TRAP1: variants seen among roughly 807,000 people sequenced by gnomAD.
TRAP1 encodes TNF receptor associated protein 1, also known as heat shock protein 75 kDa, mitochondrial.
Under a neutral mutation model 89.1 loss-of-function variants are expected in TRAP1, and 102 were observed. The ratio of observed to expected loss-of-function variants is 1.15; its 90% confidence interval spans 0.98 to 1.35. The LOEUF is 1.35. Ranked by LOEUF, TRAP1 falls within the 40% of genes most tolerant of loss-of-function variation. TRAP1 has a pLI of 0.00. For missense variants in TRAP1, 1,256 were observed against 945.3 expected (o/e 1.33, Z -4.31); for synonymous variants, 508 against 388.0 (o/e 1.31, Z -3.64).
intron 15 of TRAP1, chr16:3,662,573 G>A: frequency 1.7e-6 from 1 of 597,374 alleles, no homozygotes; most frequent in South Asian, 1.6e-5. Context: ...GAGGGCTGGG[G>A]TAGCATGTCC....
chr16:3,658,173 C>T lies in TRAP1; in HGVS notation c.2071G>A (p.Gly691Ser), dbSNP rs1596665492. ...GLVDDPRAMV[G>S]RLNELLVKAL... is the part of the protein sequence containing the mutation. ...TTGACAAGCAGCTCATTCAAGCGGC[C>T]CACCATGGCCCTAGGGTCGTCAACA... Residue 691 changes from glycine to serine, a missense_variant, in exon 18 of 18, where the codon GGC becomes AGC. Transcript: ENST00000246957. 1.2e-6 allele frequency: 2 copies of T among 1,614,068 alleles called. No individual in the cohort carries two copies. The highest frequency in any genetic ancestry group is 1.7e-6 in the Non-Finnish European group (2 of 1,179,992).
At chr16:3,697,121 A>G (rs951166449) in intron 1 of TRAP1, among the ~76,000 whole-genome samples, 7 of 152,216 alleles carry the variant, frequency 4.6e-5, no homozygotes, top group South Asian at 2.1e-4. Flanking sequence ...ACTAAAGTGC[A>G]TATCATCCTA....
chr16:3,714,967 G>A (rs556462330), intron 1 of TRAP1, among the ~76,000 whole-genome samples: 12 of 152,072 alleles, frequency 7.9e-5, no homozygotes, highest in Middle Eastern at 3.2e-3. Context: ...TTCTCTCATC[G>A]TTCAATCAAT....
intron 4 of TRAP1, among the ~76,000 whole-genome samples, chr16:3,685,763 G>A (rs2051130533): frequency 6.6e-6 from 1 of 152,196 alleles, no homozygotes; most frequent in Non-Finnish European, 1.5e-5. Flanking sequence ...GATGTTACCA[G>A]TAGTTATTGC....
At chr16:3,665,181 G>A (rs1286854553) in intron 12 of TRAP1, 2 of 152,220 alleles carry the variant, frequency 1.3e-5, no homozygotes, top group African/African-American at 4.8e-5. Context: ...TGAAGATAAA[G>A]GAGAATGAAG....
rs191501700 is a variant in TRAP1 at position 3,689,409 on chromosome 16, T to A, written c.248-272A>T. ...ACAGGTGCCTGCCACCACGCCCGGC[T>A]AATTTTTTGTAGTTTTAGTAGAGAC... On this transcript the variant is annotated intron_variant, in intron 2 of 17. Transcript: ENST00000246957. Among the ~76,000 whole-genome samples the A allele has an allele frequency of 3.5e-3, 531 of 152,220 alleles. 2 individuals are homozygous for A. Among genetic ancestry groups the A allele is most frequent in the African/African-American group, 0.012 (512 of 41,546 alleles).
chr16:3,689,161 C>A (rs2051178143), intron 2 of TRAP1, 24 bp from the exon 3 acceptor site: 4 of 1,597,834 alleles, frequency 2.5e-6, no homozygotes, highest in Non-Finnish European at 2.6e-6. Flanking sequence ...ACAGACACAA[C>A]CAACAAAGTT....
At position 3,671,761 on chromosome 16, in the gene TRAP1, T is replaced by A. The variant is rs2050916215; in HGVS notation, c.1196A>T (p.Asn399Ile). The A allele has an allele frequency of 1.9e-6, 3 of 1,613,096 alleles. No individual in the cohort carries two copies. The East Asian group carries it at 6.7e-5, about 36-fold the overall frequency. ...GVVDSEDIPL[N>I]LSRELLQESA... Reference sequence around the variant, plus strand: ...CTCCTGCAGCAGCTCCCGGCTGAGGTTCAGGGGAATGTCCTCACTGTCCAC... The same window carrying A: ...CTCCTGCAGCAGCTCCCGGCTGAGGATCAGGGGAATGTCCTCACTGTCCAC... The change falls in exon 11 of 18, where the codon AAC becomes ATC. Residue 399 changes from asparagine to isoleucine, a missense_variant. Transcript: ENST00000246957.
chr16:3,695,397 C>A (rs780659399), intron 1 of TRAP1, among the ~76,000 whole-genome samples: 1 of 151,920 alleles, frequency 6.6e-6, no homozygotes, highest in Non-Finnish European at 1.5e-5. Context: ...CTTAGCCAGA[C>A]GTGGTGGCGC....
chr16:3,688,989 G>A, intron 3 of TRAP1, 66 bp downstream of exon 3: 1 of 1,414,044 alleles, frequency 7.1e-7, no homozygotes, highest in Non-Finnish European at 9.9e-7. Context: ...TCTCCAGAAT[G>A]GCATAAAAAC....
intron 1 of TRAP1, among the ~76,000 whole-genome samples, chr16:3,715,393 G>T (rs992066261): frequency 6.6e-6 from 1 of 151,926 alleles, no homozygotes; most frequent in African/African-American, 2.4e-5. Flanking sequence ...AGCCAAGATC[G>T]CGCCACTGCA....
intron 6 of TRAP1, 48 bp downstream of exon 6, chr16:3,677,450 G>T: frequency 6.2e-7 from 1 of 1,612,234 alleles, no homozygotes; most frequent in Non-Finnish European, 8.5e-7. Context: ...CATGCTAAGG[G>T]CTCCAGCTCA....
Position 3,662,891 on chromosome 16 carries a change from G to A in TRAP1, c.1785C>T (p.Thr595=), listed in dbSNP as rs765099074. 21 of 1,613,468 alleles carry A rather than the reference G, an allele frequency of 1.3e-5. No homozygotes were observed. Among genetic ancestry groups the A allele is most frequent in the South Asian group, 1.1e-5 (1 of 91,090 alleles). Residue 595 remains threonine, a synonymous_variant, in exon 15 of 18, where the codon ACC becomes ACT. Transcript: ENST00000246957. ...WMRNVLGSRV[T]NVKVTLRLDT... ...CCCGGGAAAGCCTCACCTTCACGTT[G>A]GTGACACGCGACCCCAGCACATTTC... is the stretch of plus-strand genomic sequence containing the variant.
chr16:3,674,922 A>G (rs995278232), intron 8 of TRAP1: 1 of 324,968 alleles, frequency 3.1e-6, no homozygotes, highest in Non-Finnish European at 5.8e-6. Context: ...CAGGCAGCAC[A>G]ATGGACAGAA....
intron 1 of TRAP1, among the ~76,000 whole-genome samples, chr16:3,705,226 G>A (rs971707699): frequency 1.3e-5 from 2 of 151,918 alleles, no homozygotes; most frequent in African/African-American, 4.8e-5. Context: ...CACCACACCC[G>A]GCTAATTTTT....
intron 11 of TRAP1, among the ~76,000 whole-genome samples, chr16:3,670,367 A>G (rs1164903766): frequency 2.4e-5 from 3 of 124,568 alleles, no homozygotes; most frequent in Non-Finnish European, 4.9e-5. Flanking sequence ...TGGGCGACAG[A>G]GCAAGACTCC....
chr16:3,704,128 T>A (rs903316501), intron 1 of TRAP1: 4 of 152,192 alleles, frequency 2.6e-5, no homozygotes, highest in Non-Finnish European at 5.9e-5. Flanking sequence ...GCAGATCAGC[T>A]GAGGTCAGGG....
At chr16:3,685,960 C>G in intron 4 of TRAP1, 36 bp downstream of exon 4, 1 of 1,602,892 alleles carries the variant, frequency 6.2e-7, no homozygotes, top group Non-Finnish European at 8.5e-7. Context: ...GCTGCATGGC[C>G]GGGCCTGCCA....
intron 2 of TRAP1, 54 bp downstream of exon 2, chr16:3,690,773 C>A: frequency 7.5e-7 from 1 of 1,335,664 alleles, no homozygotes. Flanking sequence ...TGCCCCTTTA[C>A]GCACAGCAGT....
Sources: allele counts gnomAD v4.1 joint callset (sites outside exome capture counted in the v4.1 genomes callset), GRCh38; gene constraint gnomAD v4.1.1; transcripts MANE v1.5; gene names NCBI Gene and HGNC (gene_info 2026-07-23, HGNC 2026-07-21).